Variants in GALK1 observed in about 807,000 individuals in gnomAD.
GALK1 encodes galactokinase.
GALK1 carries 30 observed loss-of-function variants against 38.6 expected under a neutral mutation model. The observed-to-expected ratio is 0.78, with a 90% confidence interval of 0.58 to 1.05. GALK1 has a LOEUF of 1.05. Among genes scored for constraint, GALK1 ranks in the 50% least tolerant of loss-of-function variants. The pLI, the probability that GALK1 is intolerant of heterozygous loss-of-function variation, is 0.00. For missense variants in GALK1, 512 were observed against 540.5 expected (o/e 0.95, Z 0.52); for synonymous variants, 240 against 233.6 (o/e 1.03, Z -0.25).
intron 5 of GALK1, among the ~76,000 whole-genome samples, chr17:75,762,380 G>C (rs1228764693): frequency 2.0e-5 from 3 of 152,154 alleles, no homozygotes; most frequent in African/African-American, 7.2e-5. Context: ...TTTGAAGACA[G>C]ATGTGGAAAA....
At chr17:75,763,237 C>T (rs1237385969) in intron 3 of GALK1, 83 bp downstream of exon 3, 1 of 1,611,702 alleles carries the variant, frequency 6.2e-7, no homozygotes, top group Middle Eastern at 1.7e-4. Context: ...CTGCCACCCC[C>T]TCCATAAGGC....
At chr17:75,755,690 C>T (rs1212100076), downstream of GALK1, 1 of 1,612,790 alleles carries the variant, frequency 6.2e-7, no homozygotes, top group South Asian at 1.1e-5. Context: ...ACTGCGGCCT[C>T]CTGTCCCCAG....
chr17:75,753,894 C>T, downstream of GALK1: 1 of 1,302,640 alleles, frequency 7.7e-7, no homozygotes, highest in African/African-American at 1.5e-5. Context: ...GCCGAGGCGC[C>T]CCACGGGCCC....
chr17:75,754,798 C>T (rs746272889), downstream of GALK1: 6 of 1,614,114 alleles, frequency 3.7e-6, no homozygotes, highest in Admixed American at 8.3e-5. Flanking sequence ...TCCACCCTCA[C>T]CTCCGTCTCC....
At chr17:75,762,401 G>T (rs1292984633) in intron 5 of GALK1, among the ~76,000 whole-genome samples, 1 of 152,180 alleles carries the variant, frequency 6.6e-6, no homozygotes, top group African/African-American at 2.4e-5. Flanking sequence ...ATACTGAAAG[G>T]AAACGTGAAA....
At chr17:75,753,294 C>G (rs538747729), downstream of GALK1, among the ~76,000 whole-genome samples, 1 of 152,288 alleles carries the variant, frequency 6.6e-6, no homozygotes, top group African/African-American at 2.4e-5. Flanking sequence ...TCAGGTGGAG[C>G]GCAGCTGGTG....
chr17:75,764,137 C>A (rs1222474517), intron 1 of GALK1, 51 bp from the exon 2 acceptor site: 8 of 1,499,846 alleles, frequency 5.3e-6, no homozygotes, highest in Non-Finnish European at 7.2e-6. Flanking sequence ...TGGAGTAAGC[C>A]TCTCCAATGA....
At chr17:75,757,091 A>G (rs765514628), downstream of GALK1, 41 of 1,612,770 alleles carry the variant, frequency 2.5e-5, no homozygotes, top group African/African-American at 4.0e-5. Context: ...TCATCACCAT[A>G]GAGTCCCAGG....
At chr17:75,760,217 C>T (rs1253406706) in intron 5 of GALK1, among the ~76,000 whole-genome samples, 1 of 151,982 alleles carries the variant, frequency 6.6e-6, no homozygotes, top group African/African-American at 2.4e-5. Context: ...CCCCAGCCTC[C>T]TAAGTAGCTA....
At chr17:75,756,626 C>A, downstream of GALK1, 1 of 1,612,662 alleles carries the variant, frequency 6.2e-7, no homozygotes, top group South Asian at 1.1e-5. Flanking sequence ...AGGTGAGTTG[C>A]CTCCCCCAGC....
chr17:75,752,300 G>A, intron 8 of GALK1: 2 of 1,613,184 alleles, frequency 1.2e-6, no homozygotes, highest in Non-Finnish European at 1.7e-6. Context: ...GCCGGCTGGG[G>A]GCCTGAGCGG....
downstream of GALK1, chr17:75,754,591 G>T: frequency 8.1e-6 from 13 of 1,613,710 alleles, no homozygotes; most frequent in Middle Eastern, 1.6e-4. Context: ...CTGGTGAATG[G>T]CCGGATGGAC....
intron 5 of GALK1, 30 bp from the exon 6 acceptor site, chr17:75,758,629 C>T (rs779769474): frequency 2.3e-5 from 36 of 1,568,454 alleles, no homozygotes; most frequent in Admixed American, 5.4e-5. Context: ...CAGCAGCCGC[C>T]TTCTCACTGC....
Position 75,752,532 on chromosome 17 carries a change from C to T in GALK1, c.*23-795G>A, listed in dbSNP as rs530031041. ...CCTTATGTACAGCGATGACGTTCTA[C>T]GCTCTCCATCGGGCAGCCAGAGGCC... On this transcript the variant is annotated intron_variant, in intron 8 of 8. Transcript: ENST00000225614. The T allele has an allele frequency of 1.8e-5, 29 of 1,613,526 alleles. No homozygotes were observed. The highest frequency in any genetic ancestry group is 1.3e-4 in the East Asian group (6 of 44,882).
intron 7 of GALK1, 25 bp from the exon 8 acceptor site, chr17:75,758,152 G>A (rs2061562063): frequency 1.2e-6 from 2 of 1,611,902 alleles, no homozygotes; most frequent in East Asian, 4.5e-5. Context: ...CTGGGGGTGA[G>A]TGGCAGGGCC....
chr17:75,764,904 G>A, intron 1 of GALK1, 68 bp downstream of exon 1: 2 of 1,536,846 alleles, frequency 1.3e-6, no homozygotes, highest in South Asian at 2.3e-5. Context: ...CAGCGTCCCC[G>A]AGGCCCGCCC....
chr17:75,755,165 G>A, downstream of GALK1: 1 of 1,611,522 alleles, frequency 6.2e-7, no homozygotes, highest in Non-Finnish European at 8.5e-7. Context: ...GGGCCCACGA[G>A]ACTCTATAAT....
chr17:75,752,244 T>G, intron 8 of GALK1: 1 of 1,613,636 alleles, frequency 6.2e-7, no homozygotes, highest in Non-Finnish European at 8.5e-7. Context: ...TTGAGAACCT[T>G]CGGGAGTCCC....
intron 1 of GALK1, 190 bp from the exon 2 acceptor site, chr17:75,764,276 C>T: frequency 2.6e-6 from 2 of 767,258 alleles, no homozygotes; most frequent in Admixed American, 1.7e-5. Context: ...CTTAGGTCTT[C>T]AGGGGCGGGG....
Sources: gnomAD v4.1 joint callset for allele counts (sites outside exome capture counted in the v4.1 genomes callset) on GRCh38, gnomAD v4.1.1 for gene constraint, MANE v1.5 for transcripts, NCBI Gene and HGNC (gene_info 2026-07-23, HGNC 2026-07-21) for gene names.